Variants in OPHN1 observed in about 807,000 individuals in gnomAD.
OPHN1 encodes oligophrenin 1.
OPHN1 carries 11 observed loss-of-function variants against 60.7 expected under a neutral mutation model. The ratio of observed to expected loss-of-function variants is 0.18; its 90% confidence interval spans 0.11 to 0.30. OPHN1 has a LOEUF of 0.30. Among genes scored for constraint, OPHN1 ranks in the 10% least tolerant of loss-of-function variants. OPHN1 has a pLI of 1.00. For missense variants in OPHN1, 449 were observed against 611.0 expected, an observed-to-expected ratio of 0.73 and a Z score of 2.80; for synonymous variants, 226 against 222.6, an observed-to-expected ratio of 1.02 and a Z score of -0.14.
intron 21 of OPHN1, among the ~76,000 whole-genome samples, chrX:68,054,804 G>A (rs1327254490): frequency 9.0e-6 from 1 of 111,189 alleles, no homozygotes; most frequent in Non-Finnish European, 1.9e-5. Flanking sequence ...AGTGCTCATG[G>A]CCTGATGAAG....
Position 68,395,916 on chromosome X carries a change from C to G in OPHN1, c.154+36951G>C, listed in dbSNP as rs769224931. 6.2e-4 allele frequency among the ~76,000 whole-genome samples: 69 copies of G among 111,210 alleles called. 1 individual carries two copies. Among genetic ancestry groups the G allele is most frequent in the African/African-American group, 2.1e-3 (65 of 30,675 alleles). ...GTTTAAGTATTTTCTCTTTTCTGTT[C>G]TTATTAAAGTGGAATCTTTCCTTCC... On this transcript the variant is annotated intron_variant, in intron 2 of 24. Coordinates refer to ENST00000355520, the MANE Select transcript of OPHN1 (RefSeq NM_002547.3).
chrX:68,188,489 C>T (rs1444272866), intron 15 of OPHN1, among the ~76,000 whole-genome samples: 1 of 111,786 alleles, frequency 8.9e-6, no homozygotes, highest in Non-Finnish European at 1.9e-5. Context: ...TATATAAAAT[C>T]TATTTATGAC....
At chrX:68,423,036 CTTTTT>C (rs2078837377) in intron 2 of OPHN1, among the ~76,000 whole-genome samples, 1 of 89,719 alleles carries the variant, frequency 1.1e-5, no homozygotes, top group Non-Finnish European at 2.1e-5. Context: ...TTTTTTTTTT[CTTTTT>C]TTGAGACGGA....
At position 68,239,138 on chromosome X, in the gene OPHN1, G is replaced by A. The variant is rs755472910; in HGVS notation, c.385-4550C>T. ...CCAGGAGTCAGGCCGCTCAGCCGCC[G>A]AGCTCTCCTGCCTCTCCTCTGACCG... is the stretch of plus-strand genomic sequence containing the variant. On this transcript the variant is annotated intron_variant, in intron 5 of 24. Coordinates refer to ENST00000355520, the MANE Select transcript of OPHN1 (RefSeq NM_002547.3). Among the ~76,000 whole-genome samples the A allele has an allele frequency of 4.5e-5, 5 of 110,325 alleles. No individual in the cohort carries two copies. The Middle Eastern group carries it at 0.014, about 311-fold the overall frequency.
rs770547535 is a variant in OPHN1 at position 68,094,833 on chromosome X, G to A, written c.1686+2037C>T. 9.9e-5 allele frequency among the ~76,000 whole-genome samples: 11 copies of A among 110,875 alleles called. No homozygotes were observed. The South Asian group carries it at 2.3e-3, about 23-fold the overall frequency. On this transcript the variant is annotated intron_variant, in intron 19 of 24. Transcript: ENST00000355520. ...GCTAGTCTGGCCTCCTTGTTGTACCGTGAATATGACAGGCACACTTCTGCC... is the reference window on the plus strand; with the variant it reads ...GCTAGTCTGGCCTCCTTGTTGTACCATGAATATGACAGGCACACTTCTGCC...
chrX:68,175,645 A>G (rs1216062973), intron 15 of OPHN1, among the ~76,000 whole-genome samples: 1 of 111,474 alleles, frequency 9.0e-6, no homozygotes, highest in Non-Finnish European at 1.9e-5. Context: ...CTTTGCATAT[A>G]GGACACATCT....
At chrX:68,360,034 A>G (rs753449546) in intron 2 of OPHN1, among the ~76,000 whole-genome samples, 6 of 110,915 alleles carry the variant, frequency 5.4e-5, no homozygotes, top group East Asian at 2.8e-4. Context: ...CACCAACCTT[A>G]TAAGTTTTCC....
intron 15 of OPHN1, among the ~76,000 whole-genome samples, chrX:68,174,703 C>T (rs1183414181): frequency 9.1e-6 from 1 of 109,991 alleles, no homozygotes. Context: ...AACTCCTGGG[C>T]TCAAGCAATC....
chrX:68,062,038 C>T (rs2076895125), intron 21 of OPHN1, among the ~76,000 whole-genome samples: 1 of 112,113 alleles, frequency 8.9e-6, no homozygotes, highest in Admixed American at 9.5e-5. Context: ...GTTATATAAC[C>T]ATTGGTTTCT....
intron 3 of OPHN1, 65 bp downstream of exon 3, chrX:68,298,936 A>G (rs2043217469): frequency 1.4e-6 from 1 of 706,142 alleles, no homozygotes; most frequent in Admixed American, 2.3e-5. Flanking sequence ...TCCACAAATC[A>G]AAAAGACTAC....
chrX:68,248,960 G>A (rs1198230631), intron 5 of OPHN1, among the ~76,000 whole-genome samples: 3 of 111,938 alleles, frequency 2.7e-5, no homozygotes, highest in Middle Eastern at 4.2e-3. Flanking sequence ...AGGTAGTGGA[G>A]GGATGATGGG....
rs148837895 is a variant in OPHN1 at position 68,128,430 on chromosome X, T to A, written c.1277-9098A>T. On this transcript the variant is annotated intron_variant, in intron 15 of 24. Coordinates refer to ENST00000355520, the MANE Select transcript of OPHN1 (RefSeq NM_002547.3). Reference sequence around the variant, plus strand: ...TCAGTGAATGAAGATATAAAAATCATAAGCATCCTATATATTAGTAACAGA... The same window carrying A: ...TCAGTGAATGAAGATATAAAAATCAAAAGCATCCTATATATTAGTAACAGA... 4.3e-3 allele frequency among the ~76,000 whole-genome samples: 475 copies of A among 111,339 alleles called. 4 individuals are homozygous for A. The highest frequency in any genetic ancestry group is 0.015 in the African/African-American group (453 of 30,632).
chrX:68,056,898 T>C (rs1206527400), intron 21 of OPHN1, among the ~76,000 whole-genome samples: 1 of 111,572 alleles, frequency 9.0e-6, no homozygotes, highest in Non-Finnish European at 1.9e-5. Flanking sequence ...TTATAAATTA[T>C]AATAATAATA....
At chrX:68,420,877 A>G (rs1020175670) in intron 2 of OPHN1, among the ~76,000 whole-genome samples, 1 of 108,919 alleles carries the variant, frequency 9.2e-6, no homozygotes, top group Non-Finnish European at 1.9e-5. Flanking sequence ...TCACAGTCTC[A>G]GCAAAGAGAG....
intron 7 of OPHN1, among the ~76,000 whole-genome samples, chrX:68,212,516 C>T (rs1037980947): frequency 2.7e-5 from 3 of 111,323 alleles, no homozygotes; most frequent in Admixed American, 1.9e-4. Flanking sequence ...ACCCGGGAGG[C>T]GGAGGTTGCA....
At chrX:68,401,983 C>T (rs747100961) in intron 2 of OPHN1, among the ~76,000 whole-genome samples, 5 of 111,495 alleles carry the variant, frequency 4.5e-5, no homozygotes, top group South Asian at 3.8e-4. Context: ...TTGAGGAAGC[C>T]GGCAGTGTGG....
intron 19 of OPHN1, among the ~76,000 whole-genome samples, chrX:68,081,013 A>C (rs1456006625): frequency 9.0e-6 from 1 of 111,036 alleles, no homozygotes; most frequent in East Asian, 2.8e-4. Flanking sequence ...CCTGAGTGTT[A>C]GTTGGTTCCA....
chrX:68,053,814 G>T lies in OPHN1; in HGVS notation c.2159-4C>A. On this transcript the variant is annotated splice_polypyrimidine_tract_variant and splice_region_variant and intron_variant, in intron 21 of 24. Transcript: ENST00000355520. ...TTGCTGAAACTGTCAGCATCCCCTGGAAGAGAAAATGATACCAGGAACTTG... is the reference window on the plus strand; with the variant it reads ...TTGCTGAAACTGTCAGCATCCCCTGTAAGAGAAAATGATACCAGGAACTTG... The T allele has an allele frequency of 8.3e-7, 1 of 1,208,105 alleles. No homozygotes were observed. Among genetic ancestry groups the T allele is most frequent in the Non-Finnish European group, 1.1e-6 (1 of 894,237 alleles).
At chrX:68,377,117 G>C (rs6625303) in intron 2 of OPHN1, among the ~76,000 whole-genome samples, 1 of 97,065 alleles carries the variant, frequency 1.0e-5, no homozygotes, top group African/African-American at 3.9e-5. Flanking sequence ...TTTTTTTTGA[G>C]ATGGAGTCTT....
Sources: allele counts gnomAD v4.1 joint callset (sites outside exome capture counted in the v4.1 genomes callset), GRCh38; gene constraint gnomAD v4.1.1; transcripts MANE v1.5; gene names NCBI Gene and HGNC (gene_info 2026-07-23, HGNC 2026-07-21).